The following POLE2 variants were observed in gnomAD, a reference collection of about 807,000 sequenced individuals.
POLE2 encodes the protein DNA polymerase epsilon 2, accessory subunit, also known as DNA polymerase epsilon subunit 2.
In POLE2, 56 loss-of-function variants were observed where a neutral mutation model predicts 79.4. The observed-to-expected ratio is 0.71, with a 90% confidence interval of 0.57 to 0.88. POLE2 has a LOEUF of 0.88. Among genes scored for constraint, POLE2 ranks in the 40% least tolerant of loss-of-function variants. The pLI is 0.00. For missense variants in POLE2, 598 were observed against 638.9 expected (o/e 0.94, Z 0.69); for synonymous variants, 212 against 214.0 (o/e 0.99, Z 0.08).
intron 3 of POLE2, 128 bp from the exon 4 acceptor site, chr14:49,674,555 A>G (rs546300123): frequency 6.1e-6 from 4 of 650,916 alleles, no homozygotes; most frequent in Non-Finnish European, 8.2e-6. Flanking sequence ...CAGGCACACA[A>G]TTTCTTTTTC....
chr14:49,652,726 T>G (rs1884362789), intron 15 of POLE2, among the ~76,000 whole-genome samples: 2 of 152,164 alleles, frequency 1.3e-5, no homozygotes, highest in South Asian at 4.1e-4. Context: ...GAAAACAAGC[T>G]TAGGGCTCCT....
intron 18 of POLE2, among the ~76,000 whole-genome samples, chr14:49,644,190 T>C (rs1035862978): frequency 6.7e-6 from 1 of 148,840 alleles, no homozygotes; most frequent in African/African-American, 2.5e-5. Flanking sequence ...CCAACAACTA[T>C]ATGTCCTTTA....
chr14:49,649,392 C>T (rs1298811486), intron 17 of POLE2, among the ~76,000 whole-genome samples: 5 of 150,076 alleles, frequency 3.3e-5, no homozygotes, highest in African/African-American at 7.4e-5. Context: ...GTGATCTGCC[C>T]GCCTTGGCCT....
At chr14:49,663,913 T>A (rs971238562) in intron 9 of POLE2, among the ~76,000 whole-genome samples, 10 of 151,680 alleles carry the variant, frequency 6.6e-5, no homozygotes, top group African/African-American at 2.4e-4. Context: ...GGCAGGCGCC[T>A]GTAGTCCCAG....
Position 49,669,529 on chromosome 14 carries a change from A to G in POLE2, c.487T>C (p.Phe163Leu). The stretch of plus-strand genomic sequence containing the variant: ...AACTAGGATAATGTTCTAACCTGGA[A>G]TTTGCTTCCGCTTTCATCAGGGTGA... The part of the protein sequence containing the change: ...GSHPDESGSK[F>L]QLKTIETLLG... The change falls in exon 6 of 19, where the codon TTC becomes CTC. Residue 163 changes from phenylalanine to leucine, a missense_variant. Transcript: ENST00000216367. 6.5e-7 allele frequency: 1 copy of G among 1,546,204 alleles called. No homozygotes were observed. Among genetic ancestry groups the G allele is most frequent in the Non-Finnish European group, 8.9e-7 (1 of 1,118,342 alleles).
In POLE2 at chr14:49,688,177, C is replaced by T. The variant is rs769995540; in HGVS notation, c.27G>A (p.Arg9=). 1.3e-6 allele frequency: 2 copies of T among 1,545,632 alleles called. No individual in the cohort carries two copies. The highest frequency in any genetic ancestry group is 1.7e-6 in the Non-Finnish European group (2 of 1,147,800). The part of the protein sequence containing the change: MAPERLRS[R]ALSAFKLRGL... Reference sequence around the variant, plus strand: ...CCCGCAACTTGAAGGCGGAGAGCGCCCGGCTCCGCAGCCGCTCCGGCGCCA... The same window carrying T: ...CCCGCAACTTGAAGGCGGAGAGCGCTCGGCTCCGCAGCCGCTCCGGCGCCA... Residue 9 remains arginine (R), a synonymous_variant, in exon 1 of 19, where the codon CGG becomes CGA. Transcript: ENST00000216367.
intron 10 of POLE2, among the ~76,000 whole-genome samples, chr14:49,662,743 C>A (rs1349022447): frequency 6.6e-6 from 1 of 152,178 alleles, no homozygotes; most frequent in African/African-American, 2.4e-5. Flanking sequence ...TTTTTAAACA[C>A]CTCAAAGTGG....
intron 2 of POLE2, among the ~76,000 whole-genome samples, chr14:49,682,925 A>T (rs1886836669): frequency 6.6e-6 from 1 of 151,410 alleles, no homozygotes. Context: ...TAATGACTTA[A>T]ATAAGACATG....
chr14:49,682,257 G>A (rs929311023), intron 2 of POLE2, among the ~76,000 whole-genome samples: 2 of 150,692 alleles, frequency 1.3e-5, no homozygotes, highest in African/African-American at 4.9e-5. Flanking sequence ...CACCAGCCTC[G>A]GCCTCCCAAA....
intron 2 of POLE2, among the ~76,000 whole-genome samples, chr14:49,682,098 G>A (rs549122338): frequency 4.7e-5 from 7 of 147,994 alleles, no homozygotes; most frequent in African/African-American, 1.0e-4. Flanking sequence ...TCTGCCTCCC[G>A]GGTTCAAGCG....
intron 15 of POLE2, among the ~76,000 whole-genome samples, chr14:49,653,703 T>G (rs1278004608): frequency 1.3e-5 from 2 of 152,106 alleles, no homozygotes; most frequent in Non-Finnish European, 2.9e-5. Context: ...CAGGCTGGAA[T>G]GCAGTAGTGC....
At position 49,652,992 on chromosome 14, in the gene POLE2, C is replaced by T. The variant is rs140180995; in HGVS notation, c.1211+998G>A. ...ATATAATTTGAAGTTAATGGGACTTCCTGAAAAAACATGTGAGAGAAACCC... is the reference window on the plus strand; with the variant it reads ...ATATAATTTGAAGTTAATGGGACTTTCTGAAAAAACATGTGAGAGAAACCC... On this transcript the variant is annotated intron_variant, in intron 15 of 18. Transcript: ENST00000216367. 5.1e-3 allele frequency among the ~76,000 whole-genome samples: 771 copies of T among 152,044 alleles called. 5 individuals are homozygous for T. Among genetic ancestry groups the T allele is most frequent in the Non-Finnish European group, 8.1e-3 (549 of 67,986 alleles).
At chr14:49,671,296 C>A (rs542676630) in intron 5 of POLE2, among the ~76,000 whole-genome samples, 14 of 152,172 alleles carry the variant, frequency 9.2e-5, no homozygotes, top group African/African-American at 3.1e-4. Flanking sequence ...AAATGCAAGG[C>A]AGGGCCAAGT....
rs143989657 is a variant in POLE2, at chr14:49,683,320, T to G, written c.169+273A>C. On this transcript the variant is annotated intron_variant, in intron 2 of 18. Coordinates refer to ENST00000216367, the MANE Select transcript of POLE2 (RefSeq NM_002692.4). ...GTGAGGCTGAGACAAGAAAATTGCT[T>G]GAACCCGGGAGGTGGGGGTTGCAGT... is the stretch of plus-strand genomic sequence containing the variant. 7.3e-3 allele frequency among the ~76,000 whole-genome samples: 1,108 copies of G among 152,058 alleles called. 12 individuals carry two copies. Among genetic ancestry groups the G allele is most frequent in the African/African-American group, 0.025 (1,046 of 41,494 alleles).
intron 15 of POLE2, among the ~76,000 whole-genome samples, chr14:49,652,971 A>C (rs1460142446): frequency 6.6e-6 from 1 of 152,044 alleles, no homozygotes; most frequent in Non-Finnish European, 1.5e-5. Context: ...TTCTGGATAT[A>C]ATTTGAAGTT....
Position 49,654,195 on chromosome 14 carries a change from G to A in POLE2, c.1093C>T (p.Pro365Ser), listed in dbSNP as rs750849311. 2 of 1,609,884 alleles carry A rather than the reference G, an allele frequency of 1.2e-6. No homozygotes were observed. Among genetic ancestry groups the A allele is most frequent in the Middle Eastern group, 1.7e-4 (1 of 5,854 alleles). Residue 365 changes from proline (P) to serine (S), a missense_variant, in exon 14 of 19, where the codon CCT (proline) becomes TCT (serine). Pro to Ser is a moderately conservative substitution (Grantham distance 74). Coordinates refer to ENST00000216367, the MANE Select transcript of POLE2 (RefSeq NM_002692.4). ...IHQSSRFVFV[P>S]GPEDPGFGSI... ...CCAAATCCAGGATCCTCTGGACCAG[G>A]TACAAACACAAAACGACTACTGTAG...
At chr14:49,665,297 T>C in intron 7 of POLE2, 134 bp from the exon 8 acceptor site, 1 of 590,522 alleles carries the variant, frequency 1.7e-6, no homozygotes, top group African/African-American at 1.9e-5. Context: ...TTATTTCTAG[T>C]CCAGGCTCTT....
At chr14:49,645,660 C>T (rs1780579315) in intron 18 of POLE2, among the ~76,000 whole-genome samples, 1 of 152,192 alleles carries the variant, frequency 6.6e-6, no homozygotes. Flanking sequence ...CAGCTGTCAC[C>T]CAGGCTGGAG....
intron 10 of POLE2, among the ~76,000 whole-genome samples, chr14:49,659,921 T>C (rs1594578248): frequency 6.6e-6 from 1 of 152,170 alleles, no homozygotes; most frequent in Admixed American, 6.6e-5. Flanking sequence ...AAGAAAACTC[T>C]TTTTAAACAA....
Sources: allele counts gnomAD v4.1 joint callset (sites outside exome capture counted in the v4.1 genomes callset), GRCh38; gene constraint gnomAD v4.1.1; transcripts MANE v1.5; gene names NCBI Gene and HGNC (gene_info 2026-07-23, HGNC 2026-07-21).